SMAD6: variants seen among roughly 807,000 people sequenced by gnomAD.
SMAD6 encodes SMAD family member 6.
SMAD6 carries 103 observed loss-of-function variants against 39.4 expected under a neutral mutation model. The observed-to-expected ratio is 2.62, with a 90% CI of 2.23 to 3.08. The LOEUF (loss-of-function observed/expected upper bound fraction) is 3.08, where lower values mean the gene tolerates loss of function less well. Ranked by LOEUF, SMAD6 falls within the 30% of genes most tolerant of loss-of-function variation. The pLI is 0.00. For synonymous variants in SMAD6, 445 were observed against 353.3 expected, an observed-to-expected ratio of 1.26 and a Z score of -2.91; for missense variants, 1,104 against 742.9, an observed-to-expected ratio of 1.49 and a Z score of -5.65.
At chr15:66,719,950 A>G (rs1412123819) in intron 3 of SMAD6, among the ~76,000 whole-genome samples, 2 of 152,194 alleles carry the variant, frequency 1.3e-5, no homozygotes, top group Non-Finnish European at 2.9e-5. Flanking sequence ...CAGAGCTTTA[A>G]GCAGATCTGG....
rs538975864 is a variant in SMAD6 at position 66,703,030 on chromosome 15, G to A, written c.-229G>A. Reference sequence around the variant, plus strand: ...TCCATGTAGCCGCTGGCCGCGCGCGGACTGCGGCTCGGCGTGCGCGTGTTC... The same window carrying A: ...TCCATGTAGCCGCTGGCCGCGCGCGAACTGCGGCTCGGCGTGCGCGTGTTC... On this transcript the variant is annotated 5_prime_UTR_variant, in exon 1 of 4. Coordinates refer to ENST00000288840, the MANE Select transcript of SMAD6 (RefSeq NM_005585.5). 4 of 385,474 alleles carry A rather than the reference G, an allele frequency of 1.0e-5. No homozygotes were observed. The highest frequency in any genetic ancestry group is 1.9e-5 in the Non-Finnish European group (4 of 209,766). 23.9% of individuals were successfully genotyped at this position (385,474 alleles called of 1,614,324 possible). A position where few individuals can be genotyped will look rare whatever the true frequency, so the allele number is the denominator to read the frequency against.
intron 3 of SMAD6, among the ~76,000 whole-genome samples, chr15:66,751,558 G>A (rs1020874141): frequency 6.6e-6 from 1 of 152,276 alleles, no homozygotes. Flanking sequence ...CCAAAGCCCT[G>A]GCCTCCTGAG....
At position 66,767,769 on chromosome 15, in the gene SMAD6, A is replaced by G. The variant is rs185470649; in HGVS notation, c.953-13228A>G. ...ATTCCGGTTTGTTCCAGAAACACAC[A>G]AGAATGATCGAGGCAATCCTCACTT... On this transcript the variant is annotated intron_variant, in intron 3 of 3. Coordinates refer to ENST00000288840, the MANE Select transcript of SMAD6 (RefSeq NM_005585.5). Among the ~76,000 whole-genome samples the G allele has an allele frequency of 3.1e-4, 47 of 152,334 alleles. No individual in the cohort carries two copies. The East Asian group carries it at 6.6e-3, about 21-fold the overall frequency.
At chr15:66,757,683 T>A (rs1406893131) in intron 3 of SMAD6, among the ~76,000 whole-genome samples, 1 of 152,166 alleles carries the variant, frequency 6.6e-6, no homozygotes. Context: ...TGGGGCCCCC[T>A]GGCAGAGGCA....
chr15:66,725,963 C>T (rs1370531649), intron 3 of SMAD6, among the ~76,000 whole-genome samples: 15 of 152,220 alleles, frequency 9.9e-5, no homozygotes, highest in Admixed American at 9.2e-4. Context: ...CTTCCTCAGT[C>T]CTCCTGCCCA....
chr15:66,711,901 A>C (rs1242010312), intron 2 of SMAD6, among the ~76,000 whole-genome samples, 177 bp downstream of exon 2: 1 of 152,048 alleles, frequency 6.6e-6, no homozygotes, highest in Non-Finnish European at 1.5e-5. Flanking sequence ...CAGTTGGGCC[A>C]AAGCAGACCC....
chr15:66,713,847 G>C (rs1893277638), intron 2 of SMAD6, among the ~76,000 whole-genome samples: 1 of 152,194 alleles, frequency 6.6e-6, no homozygotes, highest in South Asian at 2.1e-4. Flanking sequence ...ATGAATGGGG[G>C]AGCCTTAGTT....
At chr15:66,762,847 G>A (rs556590392) in intron 3 of SMAD6, among the ~76,000 whole-genome samples, 1 of 152,112 alleles carries the variant, frequency 6.6e-6, no homozygotes, top group African/African-American at 2.4e-5. Flanking sequence ...TGTTTTTGTT[G>A]GTCTTACAAT....
At chr15:66,765,348 C>T (rs986748311) in intron 3 of SMAD6, among the ~76,000 whole-genome samples, 5 of 152,120 alleles carry the variant, frequency 3.3e-5, no homozygotes, top group Admixed American at 6.5e-5. Context: ...CTCAGCCTCC[C>T]GAGCAGCTGG....
intron 3 of SMAD6, among the ~76,000 whole-genome samples, chr15:66,736,188 G>T (rs1055780178): frequency 6.6e-6 from 1 of 152,160 alleles, no homozygotes; most frequent in South Asian, 2.1e-4. Context: ...AGCTCTAGGT[G>T]TAGGGTTGCC....
intron 3 of SMAD6, among the ~76,000 whole-genome samples, chr15:66,774,775 A>G (rs1332428847): frequency 6.6e-6 from 1 of 152,186 alleles, no homozygotes; most frequent in Non-Finnish European, 1.5e-5. Context: ...CATGCTGGAA[A>G]GTTCTCTTGT....
At chr15:66,708,434 G>A (rs938045515) in intron 1 of SMAD6, among the ~76,000 whole-genome samples, 16 of 152,230 alleles carry the variant, frequency 1.1e-4, no homozygotes, top group African/African-American at 3.1e-4. Context: ...TCCACAGGGC[G>A]CAGCCATGTG....
In SMAD6 at chr15:66,703,521, G is replaced by C; in HGVS notation, c.263G>C (p.Gly88Ala). 8.2e-7 allele frequency: 1 copy of C among 1,221,132 alleles called. No individual in the cohort carries two copies. Among genetic ancestry groups the C allele is most frequent in the Non-Finnish European group, 1.0e-6 (1 of 978,690 alleles). The allele number at this position is 1,221,132 out of a possible 1,614,324, so 75.6% of individuals were successfully genotyped here. ...QGAGRRRRAG[G>A]PPRPMSEPGA... ...GCGGGGAGGCGCCGGCGCGCAGGGGGCCCCCCGAGGCCCATGTCGGAGCCA... is the reference window on the plus strand; with the variant it reads ...GCGGGGAGGCGCCGGCGCGCAGGGGCCCCCCCGAGGCCCATGTCGGAGCCA... The change falls in exon 1 of 4, where the codon GGC becomes GCC. Residue 88 changes from glycine to alanine, a missense_variant. Gly to Ala is a moderately conservative substitution (Grantham distance 60). Coordinates refer to ENST00000288840, the MANE Select transcript of SMAD6 (RefSeq NM_005585.5).
intron 3 of SMAD6, among the ~76,000 whole-genome samples, chr15:66,730,034 A>C (rs1263298815): frequency 6.6e-6 from 1 of 152,230 alleles, no homozygotes; most frequent in Non-Finnish European, 1.5e-5. Flanking sequence ...TTAAAGCCCG[A>C]GATCCCAGAC....
chr15:66,744,582 C>T (rs1330609083), intron 3 of SMAD6, among the ~76,000 whole-genome samples: 1 of 152,222 alleles, frequency 6.6e-6, no homozygotes, highest in Non-Finnish European at 1.5e-5. Flanking sequence ...GTGTGTTACC[C>T]ACAGAAGCTG....
In SMAD6 at chr15:66,717,815, G is replaced by A. The variant is rs188575920; in HGVS notation, c.952+1317G>A. Among the ~76,000 whole-genome samples the A allele has an allele frequency of 2.6e-5, 4 of 152,264 alleles. No individual in the cohort carries two copies. In the East Asian group the frequency reaches 5.8e-4, roughly 22 times the overall value. On this transcript the variant is annotated intron_variant, in intron 3 of 3. Transcript: ENST00000288840. ...GGTCTTCTGGGTCCTATTCCTGAGT[G>A]CCTTCTGGTCTTTGGTGGCTCCCTT...
At chr15:66,753,701 C>A (rs184229053) in intron 3 of SMAD6, among the ~76,000 whole-genome samples, 148 of 152,374 alleles carry the variant, frequency 9.7e-4, no homozygotes, top group Middle Eastern at 3.4e-3. Context: ...GGCCTCCCTT[C>A]CTCAAAGATC....
chr15:66,703,599 GC>G lies in SMAD6; in HGVS notation c.342del (p.Trp115GlyfsTer10). The G allele has an allele frequency of 2.4e-6, 3 of 1,228,160 alleles. No homozygotes were observed. The highest frequency in any genetic ancestry group is 3.1e-6 in the Non-Finnish European group (3 of 982,200). The allele number at this position is 1,228,160 out of a possible 1,614,324, so 76.1% of individuals were successfully genotyped here. On this transcript the variant is annotated frameshift_variant, in exon 1 of 4. Transcript: ENST00000288840. LOFTEE classifies it high-confidence loss of function. ...GACGTGGCGGAGCCGGGAGGCCCGG[GC>G]TGGCTGCCCGAGAGTGACTGCGAGA... ...LLDVAEPGGP[G>X]WLPESDCETV...
intron 3 of SMAD6, among the ~76,000 whole-genome samples, chr15:66,733,097 C>T (rs1267659234): frequency 1.3e-5 from 2 of 151,850 alleles, no homozygotes; most frequent in African/African-American, 2.4e-5. Context: ...TTAACTTTGT[C>T]TAAAATAGTT....
Sources: gnomAD v4.1 joint callset for allele counts (sites outside exome capture counted in the v4.1 genomes callset) on GRCh38, gnomAD v4.1.1 for gene constraint, MANE v1.5 for transcripts, NCBI Gene and HGNC (gene_info 2026-07-23, HGNC 2026-07-21) for gene names.